SEMA6D: variants seen among roughly 807,000 people sequenced by gnomAD.
SEMA6D encodes the protein semaphorin-6D.
SEMA6D carries 35 observed loss-of-function variants against 106.6 expected under a neutral mutation model. The observed-to-expected ratio is 0.33, with a 90% CI of 0.25 to 0.44. The LOEUF (loss-of-function observed/expected upper bound fraction) is 0.44, where lower values mean the gene tolerates loss of function less well. Among genes scored for constraint, SEMA6D ranks in the 20% least tolerant of loss-of-function variants. The pLI, the probability that SEMA6D is intolerant of heterozygous loss-of-function variation, is 1.00. For missense variants in SEMA6D, 1,185 were observed against 1,345.9 expected, an observed-to-expected ratio of 0.88 and a Z score of 1.87; for synonymous variants, 499 against 487.7, an observed-to-expected ratio of 1.02 and a Z score of -0.31.
intron 1 of SEMA6D, among the ~76,000 whole-genome samples, chr15:47,755,575 A>G (rs760829860): frequency 6.6e-6 from 1 of 152,150 alleles, no homozygotes; most frequent in Non-Finnish European, 1.5e-5. Context: ...GATTATATCC[A>G]TTCAGTCTGG....
In SEMA6D at chr15:47,670,305, C is replaced by A. The variant is rs564462711; in HGVS notation, c.-55+69409C>A. 3.0e-4 allele frequency among the ~76,000 whole-genome samples: 46 copies of A among 152,308 alleles called. 2 individuals carry two copies. The South Asian group carries it at 7.5e-3, about 25-fold the overall frequency. On this transcript the variant is annotated intron_variant, in intron 4 of 19. Transcript: ENST00000558014. ...TAATGTGTTCTTCATGACTGTCTTA[C>A]ACACACAGATGCTAACTTCACCGCA...
intron 1 of SEMA6D, among the ~76,000 whole-genome samples, chr15:47,289,904 G>A (rs1258822722): frequency 6.6e-6 from 1 of 151,748 alleles, no homozygotes; most frequent in Non-Finnish European, 1.5e-5. Flanking sequence ...GGGGTGGGGA[G>A]TGCGCCACTG....
intron 1 of SEMA6D, among the ~76,000 whole-genome samples, chr15:47,216,793 A>G (rs1215100715): frequency 6.6e-6 from 1 of 152,170 alleles, no homozygotes; most frequent in Non-Finnish European, 1.5e-5. Context: ...AATTAAAGAG[A>G]TGAAAATCAG....
intron 1 of SEMA6D, among the ~76,000 whole-genome samples, chr15:47,225,162 T>C (rs529765349): frequency 6.6e-6 from 1 of 152,074 alleles, no homozygotes; most frequent in African/African-American, 2.4e-5. Flanking sequence ...AGCTATTTCA[T>C]ATACACCCTG....
intron 2 of SEMA6D, among the ~76,000 whole-genome samples, chr15:47,446,933 T>G (rs2042045105): frequency 6.6e-6 from 1 of 152,130 alleles, no homozygotes; most frequent in African/African-American, 2.4e-5. Context: ...TTAAAAACCT[T>G]CAGTGATTTC....
At chr15:47,222,460 A>G (rs1190373510) in intron 1 of SEMA6D, among the ~76,000 whole-genome samples, 1 of 152,164 alleles carries the variant, frequency 6.6e-6, no homozygotes, top group Non-Finnish European at 1.5e-5. Context: ...TAGCCCCTGG[A>G]TAAAATTGTC....
chr15:47,480,037 T>C lies in SEMA6D; in HGVS notation c.-87+9492T>C, dbSNP rs184350290. Among the ~76,000 whole-genome samples the C allele has an allele frequency of 8.5e-3, 1,290 of 151,030 alleles. 7 individuals are homozygous for C. Among genetic ancestry groups the C allele is most frequent in the Admixed American group, 0.015 (232 of 15,212 alleles). Reference sequence around the variant, plus strand: ...AGCACCTGATTAATTTTTTTTTTTTTGGTAGATATGGGGTCCCATTTTGTT... The same window carrying C: ...AGCACCTGATTAATTTTTTTTTTTTCGGTAGATATGGGGTCCCATTTTGTT... On this transcript the variant is annotated intron_variant, in intron 3 of 19. Transcript: ENST00000558014.
intron 1 of SEMA6D, among the ~76,000 whole-genome samples, chr15:47,225,791 A>G (rs1211806978): frequency 2.6e-5 from 4 of 151,942 alleles, no homozygotes; most frequent in African/African-American, 9.7e-5. Context: ...TGGCCTCCCA[A>G]AGTGCTGGGA....
Position 47,681,740 on chromosome 15 carries a change from T to G in SEMA6D, c.-54-78005T>G, listed in dbSNP as rs543860032. 3.3e-4 allele frequency among the ~76,000 whole-genome samples: 50 copies of G among 152,354 alleles called. 1 individual carries two copies. The highest frequency in any genetic ancestry group is 4.4e-5 in the Non-Finnish European group (3 of 68,022). On this transcript the variant is annotated intron_variant, in intron 4 of 19. Coordinates refer to the SEMA6D transcript ENST00000558014. Reference sequence around the variant, plus strand: ...AGTCCTCAAATAGCAATATCTTCTTTACAGTGGTGATATGAGGTTGAATTG... The same window carrying G: ...AGTCCTCAAATAGCAATATCTTCTTGACAGTGGTGATATGAGGTTGAATTG...
At chr15:47,586,223 A>G (rs11634974) in intron 3 of SEMA6D, among the ~76,000 whole-genome samples, 74,504 of 152,080 alleles carry the variant, frequency 0.49, 19,386 homozygotes, top group South Asian at 0.62. Flanking sequence ...TATTTTCATG[A>G]TGTATCCCTT....
intron 1 of SEMA6D, among the ~76,000 whole-genome samples, chr15:47,723,605 T>A (rs1191739929): frequency 6.6e-6 from 1 of 152,210 alleles, no homozygotes; most frequent in Non-Finnish European, 1.5e-5. Flanking sequence ...ACATTTTTCT[T>A]AGTTATGATG....
intron 3 of SEMA6D, among the ~76,000 whole-genome samples, chr15:47,563,157 T>TAGTGATTGCCTGGGGCTAAGAAATCGA (rs2046128436): frequency 6.6e-6 from 1 of 152,204 alleles, no homozygotes; most frequent in Non-Finnish European, 1.5e-5. Flanking sequence ...GTCAATAGAT[T>TAGTGATTGCCTGGGGCTAAGAAATCGA]AGTGATTGCC....
intron 1 of SEMA6D, among the ~76,000 whole-genome samples, chr15:47,354,186 TC>T (rs1464611515): frequency 4.1e-5 from 1 of 24,260 alleles, no homozygotes; most frequent in African/African-American, 2.4e-4. Flanking sequence ...CCTCTCTCTC[TC>T]TCTCTCTCTC....
chr15:47,395,802 T>C (rs1044727672), intron 1 of SEMA6D: 5 of 152,178 alleles, frequency 3.3e-5, no homozygotes, highest in African/African-American at 1.2e-4. Flanking sequence ...GCAGGCACAG[T>C]GTAAGGGTCA....
At chr15:47,660,572 T>C in intron 4 of SEMA6D, among the ~76,000 whole-genome samples, 1 of 152,288 alleles carries the variant, frequency 6.6e-6, no homozygotes, top group South Asian at 2.1e-4. Context: ...AAGTAACTAT[T>C]AACAGAATTT....
intron 1 of SEMA6D, among the ~76,000 whole-genome samples, chr15:47,232,601 A>T (rs1350708517): frequency 1.3e-5 from 2 of 151,418 alleles, no homozygotes; most frequent in Non-Finnish European, 2.9e-5. Context: ...GTATTTCATT[A>T]TGGCTTTAAT....
chr15:47,289,745 G>A (rs1195236288), intron 1 of SEMA6D, among the ~76,000 whole-genome samples: 2 of 152,004 alleles, frequency 1.3e-5, no homozygotes, highest in African/African-American at 4.8e-5. Context: ...AATCACAGAG[G>A]TGGGAAAATC....
At chr15:47,188,632 G>A (rs868651541) in intron 1 of SEMA6D, among the ~76,000 whole-genome samples, 2 of 152,134 alleles carry the variant, frequency 1.3e-5, no homozygotes, top group South Asian at 4.1e-4. Context: ...ATGAATATAT[G>A]TGTTATCTTT....
intron 2 of SEMA6D, among the ~76,000 whole-genome samples, chr15:47,458,812 C>G (rs189031370): frequency 1.1e-3 from 172 of 151,842 alleles, no homozygotes; most frequent in African/African-American, 4.0e-3. Flanking sequence ...CCTAAAGGGA[C>G]AAAAACATCT....
Sources: gnomAD v4.1 joint callset for allele counts (sites outside exome capture counted in the v4.1 genomes callset) on GRCh38, gnomAD v4.1.1 for gene constraint, MANE v1.5 for transcripts, NCBI Gene and HGNC (gene_info 2026-07-23, HGNC 2026-07-21) for gene names.